Variants in INTS8 observed in about 807,000 individuals in gnomAD.
INTS8 encodes protein kaonashi-1.
A neutral mutation model predicts 138.9 loss-of-function variants in INTS8; 47 were observed. The ratio of observed to expected loss-of-function variants is 0.34; its 90% CI spans 0.27 to 0.43. INTS8 has a LOEUF of 0.43. Ranked by LOEUF, INTS8 falls within the 20% of genes least tolerant of loss-of-function variation. INTS8 has a pLI of 1.00. For missense variants in INTS8, 996 were observed against 1,173.0 expected (o/e 0.85, Z 2.20); for synonymous variants, 392 against 400.9 (o/e 0.98, Z 0.27).
chr8:94,861,521 A>G (rs1282982568), intron 16 of INTS8, among the ~76,000 whole-genome samples: 2 of 151,632 alleles, frequency 1.3e-5, no homozygotes, highest in Non-Finnish European at 2.9e-5. Flanking sequence ...TTGGCCTCCC[A>G]AAGTGCTGGG....
intron 1 of INTS8, among the ~76,000 whole-genome samples, chr8:94,824,615 C>T (rs1814411828): frequency 6.6e-6 from 1 of 151,932 alleles, no homozygotes; most frequent in Non-Finnish European, 1.5e-5. Context: ...TGTTCTTCCC[C>T]GTAAGGTGCT....
In INTS8 at chr8:94,880,201, G is replaced by C. The variant is rs750335380; in HGVS notation, c.2955G>C (p.Lys985Asn). 4 of 1,608,768 alleles carry C rather than the reference G, an allele frequency of 2.5e-6. No homozygotes were observed. Among genetic ancestry groups the C allele is most frequent in the Non-Finnish European group, 3.4e-6 (4 of 1,178,130 alleles). Residue 985 changes from lysine to asparagine, a missense_variant, in exon 27 of 27, where the codon AAG becomes AAC. Physicochemically the swap from Lys to Asn is moderately conservative, Grantham distance 94. Transcript: ENST00000523731. ...LQLAAQRRKK[K>N]FLQAMAKLYF ...TGGCAGCGCAGAGAAGGAAAAAAAA[G>C]TTTCTCCAAGCAATGGCAAAACTTT...
chr8:94,877,234 T>C (rs1317711701), intron 26 of INTS8, among the ~76,000 whole-genome samples: 1 of 152,220 alleles, frequency 6.6e-6, no homozygotes, highest in Non-Finnish European at 1.5e-5. Context: ...CATATTTACT[T>C]GTCTAACATT....
intron 15 of INTS8, among the ~76,000 whole-genome samples, chr8:94,858,443 T>C (rs956899821): frequency 6.6e-5 from 10 of 152,224 alleles, no homozygotes; most frequent in African/African-American, 2.4e-4. Flanking sequence ...AATAATATGC[T>C]GGCACTAAAG....
intron 16 of INTS8, among the ~76,000 whole-genome samples, chr8:94,861,207 A>G (rs2131050569): frequency 6.8e-6 from 1 of 147,074 alleles, no homozygotes; most frequent in South Asian, 2.2e-4. Context: ...TAACCCTTTC[A>G]GGATTTATTG....
intron 5 of INTS8, among the ~76,000 whole-genome samples, chr8:94,831,319 G>A (rs946546806): frequency 6.6e-6 from 1 of 151,862 alleles, no homozygotes. Flanking sequence ...TCTCCATGCT[G>A]GCCAGGCAGG....
At chr8:94,836,788 T>A (rs1044895645) in intron 7 of INTS8, among the ~76,000 whole-genome samples, 157 bp downstream of exon 7, 2 of 152,212 alleles carry the variant, frequency 1.3e-5, no homozygotes, top group Non-Finnish European at 2.9e-5. Context: ...TCTGTAGTAA[T>A]ATAACCTGGA....
chr8:94,826,744 T>TA (rs76791655), intron 2 of INTS8, among the ~76,000 whole-genome samples: 6,362 of 152,290 alleles, frequency 0.042, 172 homozygotes, highest in East Asian at 0.11. Flanking sequence ...TGATGGTACA[T>TA]AGGGGTTCAT....
rs1328549552 is a variant in INTS8 at position 94,881,029 on chromosome 8, A to G, written c.*795A>G. 5.0e-6 allele frequency: 2 copies of G among 398,524 alleles called. No homozygotes were observed. Among genetic ancestry groups the G allele is most frequent in the Non-Finnish European group, 8.9e-6 (2 of 225,808 alleles). The allele number at this position is 398,524 out of a possible 1,614,324, so 24.7% of individuals were successfully genotyped here. On this transcript the variant is annotated 3_prime_UTR_variant, in exon 27 of 27. Transcript: ENST00000523731. ...TATTAGTTAAAAAATGTGTTATGGCAAGGCAAATAAACTAGTTTAAAAAAC... is the reference window on the plus strand; with the variant it reads ...TATTAGTTAAAAAATGTGTTATGGCGAGGCAAATAAACTAGTTTAAAAAAC...
At chr8:94,852,322 A>G (rs934262417) in intron 13 of INTS8, among the ~76,000 whole-genome samples, 3 of 152,196 alleles carry the variant, frequency 2.0e-5, no homozygotes, top group African/African-American at 7.2e-5. Flanking sequence ...ATTATGGAAC[A>G]TTTTTGGCTT....
Position 94,857,721 on chromosome 8 carries a change from CTG to C in INTS8, c.1954+747_1954+748del, listed in dbSNP as rs1409904443. Among the ~76,000 whole-genome samples, 14 of 152,298 alleles carry C rather than the reference CTG, an allele frequency of 9.2e-5. No individual in the cohort carries two copies. In the South Asian group the frequency reaches 2.7e-3, roughly 29 times the overall value. ...CACATGGCCTTCCCCCTGTGTATGT[CTG>C]TGTTCTCTTCTTACAAGGACACCAG... On this transcript the variant is annotated intron_variant, in intron 15 of 26. Coordinates refer to ENST00000523731, the MANE Select transcript of INTS8 (RefSeq NM_017864.4).
chr8:94,842,627 T>C (rs1815177122), intron 10 of INTS8, 139 bp downstream of exon 10: 1 of 615,056 alleles, frequency 1.6e-6, no homozygotes, highest in South Asian at 2.1e-5. Flanking sequence ...TTTGACAGAC[T>C]ATGCCCTTCC....
rs535896966 is a variant in INTS8 at position 94,840,764 on chromosome 8, G to T, written c.1018-727G>T. On this transcript the variant is annotated intron_variant, in intron 8 of 26. Transcript: ENST00000523731. ...AGTAGAGACGGGATTTCACTGTCTTGGCCAGACTGGTCTTGAATTCCTGAC... is the reference window on the plus strand; with the variant it reads ...AGTAGAGACGGGATTTCACTGTCTTTGCCAGACTGGTCTTGAATTCCTGAC... Among the ~76,000 whole-genome samples, 25 of 151,940 alleles carry T rather than the reference G, an allele frequency of 1.6e-4. No homozygotes were observed. In the South Asian group the frequency reaches 5.2e-3, roughly 32 times the overall value.
At chr8:94,846,210 T>C (rs568912037) in intron 10 of INTS8, among the ~76,000 whole-genome samples, 9 of 152,368 alleles carry the variant, frequency 5.9e-5, no homozygotes, top group African/African-American at 1.9e-4. Flanking sequence ...CATTTTTCTA[T>C]GTATGCAGTC....
At chr8:94,854,539 T>G (rs1253629931) in intron 14 of INTS8, among the ~76,000 whole-genome samples, 1 of 152,190 alleles carries the variant, frequency 6.6e-6, no homozygotes, top group Non-Finnish European at 1.5e-5. Flanking sequence ...TGTAGTGTAT[T>G]TTACATGAGT....
Position 94,848,013 on chromosome 8 carries a change from C to CTTTTTTTTTTTTTTTTTTTTTT in INTS8, c.1261-1436_1261-1435insTTTTTTTTTTTTTTTTTTTTTT, listed in dbSNP as rs58388097. ...TGAACATAGCACTTTTAAAACACTG[C>CTTTTTTTTTTTTTTTTTTTTTT]TTTTTTTTTTTTTGAGATGGAGTCT... On this transcript the variant is annotated intron_variant, in intron 10 of 26. Coordinates refer to ENST00000523731, the MANE Select transcript of INTS8 (RefSeq NM_017864.4). Among the ~76,000 whole-genome samples, 105 of 129,940 alleles carry CTTTTTTTTTTTTTTTTTTTTTT rather than the reference C, an allele frequency of 8.1e-4. 9 individuals carry two copies. Among genetic ancestry groups the CTTTTTTTTTTTTTTTTTTTTTT allele is most frequent in the Middle Eastern group, 4.6e-3 (1 of 216 alleles). The allele number at this position is 129,940 out of a possible 152,430, so 85.2% of individuals were successfully genotyped here.
chr8:94,846,917 C>G (rs1815352641), intron 10 of INTS8, among the ~76,000 whole-genome samples: 1 of 152,156 alleles, frequency 6.6e-6, no homozygotes, highest in Admixed American at 6.5e-5. Flanking sequence ...GTTAAACCAC[C>G]ATTGCATGTC....
At chr8:94,823,584 G>A (rs1457478186) in intron 1 of INTS8, 23 bp downstream of exon 1, 12 of 1,526,544 alleles carry the variant, frequency 7.9e-6, no homozygotes, top group Non-Finnish European at 1.1e-5. Context: ...CCTGCACCTG[G>A]GGAGCGGGAC....
rs1425644652 is a variant in INTS8, at chr8:94,823,307, T to C, written c.-125T>C. On this transcript the variant is annotated 5_prime_UTR_variant, in exon 1 of 27. Transcript: ENST00000523731. ...GCGCCGCCATTTTGGATTGTGTGAG[T>C]TTCCGGGACGTTCGGAGGGTGGCCT... 4 of 1,522,506 alleles carry C rather than the reference T, an allele frequency of 2.6e-6. No homozygotes were observed. Among genetic ancestry groups the C allele is most frequent in the Admixed American group, 2.0e-5 (1 of 49,232 alleles). 94.3% of individuals were successfully genotyped at this position (1,522,506 alleles called of 1,614,324 possible). A position where few individuals can be genotyped will look rare whatever the true frequency, so the allele number is the denominator to read the frequency against.
Sources: allele counts gnomAD v4.1 joint callset (sites outside exome capture counted in the v4.1 genomes callset), GRCh38; gene constraint gnomAD v4.1.1; transcripts MANE v1.5; gene names NCBI Gene and HGNC (gene_info 2026-07-23, HGNC 2026-07-21).